ATXN7L1: variants seen among roughly 807,000 people sequenced by gnomAD.
The protein encoded by ATXN7L1 is ataxin-7-like protein 1.
A neutral mutation model predicts 70.8 loss-of-function variants in ATXN7L1; 15 were observed. That is an observed-to-expected ratio of 0.21 (90% confidence interval 0.14 to 0.33). The LOEUF is 0.33. ATXN7L1 is among the 10% of genes least tolerant of loss of function. The pLI is 1.00. For missense variants in ATXN7L1, 975 were observed against 1,097.1 expected, an observed-to-expected ratio of 0.89 and a Z score of 1.57; for synonymous variants, 440 against 445.1, an observed-to-expected ratio of 0.99 and a Z score of 0.14.
At chr7:105,735,312 G>A (rs1415329327) in intron 3 of ATXN7L1, among the ~76,000 whole-genome samples, 1 of 152,262 alleles carries the variant, frequency 6.6e-6, no homozygotes, top group East Asian at 1.9e-4. Flanking sequence ...TCCTTCTTTT[G>A]GGATATTCCC....
intron 3 of ATXN7L1, among the ~76,000 whole-genome samples, chr7:105,738,976 C>T (rs1797713249): frequency 6.6e-6 from 1 of 152,016 alleles, no homozygotes; most frequent in Admixed American, 6.6e-5. Context: ...AAATTTGCAA[C>T]CAAGGTCCAT....
At chr7:105,870,782 C>T (rs868056593) in intron 2 of ATXN7L1, among the ~76,000 whole-genome samples, 1 of 152,144 alleles carries the variant, frequency 6.6e-6, no homozygotes, top group Non-Finnish European at 1.5e-5. Flanking sequence ...CTCATAAACA[C>T]CTTTCACAGA....
At chr7:105,817,714 C>T (rs1390025130) in intron 2 of ATXN7L1, among the ~76,000 whole-genome samples, 2 of 152,092 alleles carry the variant, frequency 1.3e-5, no homozygotes, top group Non-Finnish European at 2.9e-5. Flanking sequence ...GCTGGGAATT[C>T]GAGATCAGCC....
At chr7:105,870,409 C>T (rs553552770) in intron 2 of ATXN7L1, among the ~76,000 whole-genome samples, 1 of 152,038 alleles carries the variant, frequency 6.6e-6, no homozygotes, top group East Asian at 1.9e-4. Context: ...TTCTTTTCAT[C>T]ACAGATTAGT....
At chr7:105,745,799 G>T (rs1245671639) in intron 3 of ATXN7L1, among the ~76,000 whole-genome samples, 2 of 152,210 alleles carry the variant, frequency 1.3e-5, no homozygotes, top group Non-Finnish European at 2.9e-5. Context: ...TCAGGAAGCT[G>T]CTCTAATCCC....
At chr7:105,714,441 A>T (rs1794286618) in intron 3 of ATXN7L1, among the ~76,000 whole-genome samples, 2 of 152,194 alleles carry the variant, frequency 1.3e-5, no homozygotes, top group Admixed American at 6.5e-5. Context: ...TACTAGAGAC[A>T]TCCCTGAGGG....
intron 4 of ATXN7L1, among the ~76,000 whole-genome samples, chr7:105,654,080 T>C (rs937641456): frequency 2.6e-5 from 4 of 152,206 alleles, no homozygotes; most frequent in Admixed American, 6.5e-5. Flanking sequence ...CGCTCTGGAA[T>C]TATCCCAGCA....
intron 6 of ATXN7L1, 85 bp downstream of exon 6, chr7:105,639,402 C>T: frequency 9.2e-7 from 1 of 1,087,702 alleles, no homozygotes; most frequent in Non-Finnish European, 1.4e-6. Flanking sequence ...GTTCCACACC[C>T]TGCCGTGTGC....
At chr7:105,811,266 G>A (rs1287640569) in intron 2 of ATXN7L1, among the ~76,000 whole-genome samples, 1 of 152,178 alleles carries the variant, frequency 6.6e-6, no homozygotes, top group Non-Finnish European at 1.5e-5. Context: ...TGTGATAAAG[G>A]AGGCAGAGCC....
At chr7:105,726,774 G>A (rs1187955067) in intron 3 of ATXN7L1, among the ~76,000 whole-genome samples, 2 of 152,112 alleles carry the variant, frequency 1.3e-5, no homozygotes, top group Non-Finnish European at 2.9e-5. Context: ...TGCCATCTTG[G>A]TCCTCCTGTG....
intron 2 of ATXN7L1, among the ~76,000 whole-genome samples, chr7:105,858,049 T>C (rs969907120): frequency 4.6e-5 from 7 of 151,930 alleles, no homozygotes; most frequent in Non-Finnish European, 7.4e-5. Flanking sequence ...CTGGGCAACA[T>C]AGCAAGATCC....
chr7:105,725,102 C>T (rs1795652088), intron 3 of ATXN7L1, among the ~76,000 whole-genome samples: 1 of 152,188 alleles, frequency 6.6e-6, no homozygotes, highest in African/African-American at 2.4e-5. Flanking sequence ...GTCACATCCA[C>T]AGGTAGGGAG....
chr7:105,632,921 T>TAAAAAA (rs11417434), intron 7 of ATXN7L1, among the ~76,000 whole-genome samples: 42 of 60,056 alleles, frequency 7.0e-4, no homozygotes, highest in Middle Eastern at 0.023. Flanking sequence ...ATCTTGTCTT[T>TAAAAAA]AAAAAAAAAA....
chr7:105,805,748 G>A (rs192215796), intron 2 of ATXN7L1, among the ~76,000 whole-genome samples: 13 of 152,320 alleles, frequency 8.5e-5, no homozygotes, highest in African/African-American at 2.2e-4. Context: ...AGGGGGAGGG[G>A]CAGCCCGGGT....
At chr7:105,660,295 T>C (rs1196992736) in intron 4 of ATXN7L1, among the ~76,000 whole-genome samples, 2 of 152,094 alleles carry the variant, frequency 1.3e-5, no homozygotes, top group Non-Finnish European at 2.9e-5. Flanking sequence ...CTTTGAAATT[T>C]CCAGGGTGAA....
At chr7:105,739,184 C>A (rs187086972) in intron 3 of ATXN7L1, among the ~76,000 whole-genome samples, 3 of 152,154 alleles carry the variant, frequency 2.0e-5, no homozygotes, top group Non-Finnish European at 4.4e-5. Flanking sequence ...AAAGCGTGGT[C>A]CCTGGACAAG....
chr7:105,681,682 A>C (rs1205241955), intron 3 of ATXN7L1, among the ~76,000 whole-genome samples: 1 of 152,220 alleles, frequency 6.6e-6, no homozygotes, highest in Admixed American at 6.5e-5. Context: ...AGAGAATCCT[A>C]TAATGGAATG....
intron 4 of ATXN7L1, among the ~76,000 whole-genome samples, chr7:105,656,777 G>A (rs1800717713): frequency 6.6e-6 from 1 of 152,160 alleles, no homozygotes; most frequent in African/African-American, 2.4e-5. Context: ...TGCCATGTTG[G>A]CCAGGATCGT....
chr7:105,619,528 ATATTTTTTTTTTTTTTTTTTT>A (rs1794598525), intron 9 of ATXN7L1, among the ~76,000 whole-genome samples: 4 of 14,778 alleles, frequency 2.7e-4, no homozygotes, highest in African/African-American at 9.0e-4. Context: ...ATATATATAT[ATATTTTTTTTTTTTTTTTTTT>A]TTTTTTTTTT....
Sources: allele counts gnomAD v4.1 joint callset (sites outside exome capture counted in the v4.1 genomes callset), GRCh38; gene constraint gnomAD v4.1.1; transcripts MANE v1.5; gene names NCBI Gene and HGNC (gene_info 2026-07-23, HGNC 2026-07-21).